The following PCDH15 variants were observed in gnomAD, a reference collection of about 807,000 sequenced individuals.
The protein encoded by PCDH15 is protocadherin related 15.
Under a neutral mutation model 178.5 loss-of-function variants are expected in PCDH15, and 129 were observed. The ratio of observed to expected loss-of-function variants is 0.72; its 90% CI spans 0.63 to 0.84. The LOEUF (loss-of-function observed/expected upper bound fraction) is 0.84. Among genes scored for constraint, PCDH15 ranks in the 40% least tolerant of loss-of-function variants. The pLI is 0.00. For missense variants in PCDH15, 2,230 were observed against 2,099.9 expected (o/e 1.06, Z -1.21); for synonymous variants, 800 against 732.0 (o/e 1.09, Z -1.50).
chr10:55,269,691 C>T (rs558526413), intron 1 of PCDH15, among the ~76,000 whole-genome samples: 1 of 152,118 alleles, frequency 6.6e-6, no homozygotes, highest in South Asian at 2.1e-4. Context: ...AATATTGTTA[C>T]AATGGCCATA....
At chr10:55,273,271 C>G (rs901920621) in intron 1 of PCDH15, among the ~76,000 whole-genome samples, 1 of 152,048 alleles carries the variant, frequency 6.6e-6, no homozygotes, top group Non-Finnish European at 1.5e-5. Context: ...GATTTAAATT[C>G]TGGGTAATAT....
chr10:54,670,875 T>G (rs1443956560), intron 1 of PCDH15, among the ~76,000 whole-genome samples: 1 of 152,110 alleles, frequency 6.6e-6, no homozygotes, highest in Non-Finnish European at 1.5e-5. Context: ...ACATTTCATA[T>G]TTTTTTACCT....
chr10:55,392,971 T>A (rs968153662), intron 2 of PCDH15, among the ~76,000 whole-genome samples: 2 of 144,208 alleles, frequency 1.4e-5, no homozygotes, highest in African/African-American at 5.2e-5. Context: ...ATCTAAGAAC[T>A]AAAGTGTATG....
chr10:54,213,122 A>G (rs1220915689), intron 10 of PCDH15, among the ~76,000 whole-genome samples: 1 of 143,524 alleles, frequency 7.0e-6, no homozygotes, highest in East Asian at 6.2e-4. Flanking sequence ...GCATGCTTAA[A>G]TATGAGAGAG....
At position 54,377,245 on chromosome 10, in the gene PCDH15, T is replaced by G. The variant is rs528556756; in HGVS notation, c.318+1537A>C. ...AAAATTATCTTCATATATATGCTTCTTATTTTCTGATATGTTTACCATAAG... is the reference window on the plus strand; with the variant it reads ...AAAATTATCTTCATATATATGCTTCGTATTTTCTGATATGTTTACCATAAG... On this transcript the variant is annotated intron_variant, in intron 4 of 37. Transcript: ENST00000644397. 2.0e-5 allele frequency among the ~76,000 whole-genome samples: 3 copies of G among 152,248 alleles called. No homozygotes were observed. In the East Asian group the frequency reaches 5.8e-4, roughly 29 times the overall value.
At chr10:54,125,150 G>GTT (rs72058465) in intron 15 of PCDH15, among the ~76,000 whole-genome samples, 2 of 149,618 alleles carry the variant, frequency 1.3e-5, no homozygotes, top group African/African-American at 4.9e-5. Flanking sequence ...CAAATGTGTG[G>GTT]TTTTTTTTTT....
chr10:53,873,132 C>A (rs2079990803), intron 26 of PCDH15, among the ~76,000 whole-genome samples: 1 of 152,190 alleles, frequency 6.6e-6, no homozygotes, highest in East Asian at 1.9e-4. Flanking sequence ...AACTTCCATA[C>A]CTATTTTTCA....
chr10:54,716,203 T>C lies in PCDH15; in HGVS notation c.-28-51913A>G, dbSNP rs554127295. ...GGATCTTTCCTAAGGAGGAAGGTGA[T>C]ACCACTGTGCATTCCACAGATCAAC... On this transcript the variant is annotated intron_variant, in intron 1 of 37. Coordinates refer to ENST00000644397, the MANE Select transcript of PCDH15 (RefSeq NM_001384140.1). Among the ~76,000 whole-genome samples the C allele has an allele frequency of 6.6e-5, 10 of 152,232 alleles. No homozygotes were observed. In the South Asian group the frequency reaches 2.1e-3, roughly 32 times the overall value.
intron 26 of PCDH15, among the ~76,000 whole-genome samples, chr10:53,867,943 T>G (rs1459666040): frequency 6.6e-6 from 1 of 152,088 alleles, no homozygotes. Flanking sequence ...ATCCACATAT[T>G]AAAGTTTCCT....
At chr10:53,963,779 C>A (rs1367475313) in intron 21 of PCDH15, among the ~76,000 whole-genome samples, 1 of 152,088 alleles carries the variant, frequency 6.6e-6, no homozygotes, top group Non-Finnish European at 1.5e-5. Context: ...ATCATCACAT[C>A]CTGCCAATAC....
At chr10:54,500,675 CA>C (rs2080587932) in intron 3 of PCDH15, among the ~76,000 whole-genome samples, 1 of 151,870 alleles carries the variant, frequency 6.6e-6, no homozygotes, top group Non-Finnish European at 1.5e-5. Context: ...ACTGAAAATA[CA>C]AAAATTAGCT....
chr10:54,159,123 A>AG (rs2045459940), intron 13 of PCDH15, among the ~76,000 whole-genome samples: 1 of 151,464 alleles, frequency 6.6e-6, no homozygotes, highest in Non-Finnish European at 1.5e-5. Context: ...AAAAAAAAAA[A>AG]GTGAATTATG....
At chr10:55,161,961 T>C (rs1839079820) in intron 2 of PCDH15, among the ~76,000 whole-genome samples, 1 of 152,146 alleles carries the variant, frequency 6.6e-6, no homozygotes, top group African/African-American at 2.4e-5. Flanking sequence ...TTGTGGCCCA[T>C]GATAAAAGAA....
chr10:53,925,275 T>C (rs539589031), intron 25 of PCDH15, among the ~76,000 whole-genome samples: 8 of 150,674 alleles, frequency 5.3e-5, no homozygotes, highest in Non-Finnish European at 1.2e-4. Context: ...CTGGGTAGAA[T>C]GAACAACTCC....
chr10:54,941,955 T>C (rs1267859112), intron 2 of PCDH15, among the ~76,000 whole-genome samples: 3 of 152,070 alleles, frequency 2.0e-5, no homozygotes, highest in Non-Finnish European at 4.4e-5. Context: ...TGGTAAGCTA[T>C]CTGACACTCC....
Position 54,899,701 on chromosome 10 carries a change from T to C in PCDH15, c.-79-2201A>G, listed in dbSNP as rs1954610607. Among the ~76,000 whole-genome samples the C allele has an allele frequency of 2.0e-5, 3 of 152,210 alleles. No homozygotes were observed. In the East Asian group the frequency reaches 5.8e-4, roughly 29 times the overall value. Reference sequence around the variant, plus strand: ...TTAGTAGAGATGGGTTTCACCGTATTAGCTAGGATGGTCTCGAACTTCTGA... The same window carrying C: ...TTAGTAGAGATGGGTTTCACCGTATCAGCTAGGATGGTCTCGAACTTCTGA... On this transcript the variant is annotated intron_variant, in intron 2 of 5. Transcript: ENST00000458638.
At chr10:55,586,683 A>T (rs1842732899) in intron 2 of PCDH15, among the ~76,000 whole-genome samples, 1 of 152,184 alleles carries the variant, frequency 6.6e-6, no homozygotes, top group Non-Finnish European at 1.5e-5. Context: ...GCTAAGCTTA[A>T]GTTCTAACAA....
intron 2 of PCDH15, among the ~76,000 whole-genome samples, chr10:55,126,139 C>T (rs1276748605): frequency 6.6e-6 from 1 of 151,996 alleles, no homozygotes; most frequent in Non-Finnish European, 1.5e-5. Flanking sequence ...CTGGACTGAC[C>T]TTCATGCTGG....
intron 3 of PCDH15, among the ~76,000 whole-genome samples, chr10:54,396,112 G>A (rs189618018): frequency 1.0e-3 from 158 of 152,220 alleles, no homozygotes; most frequent in Non-Finnish European, 1.7e-3. Context: ...CCTCTAAACC[G>A]GGGAGGACAA....
Sources: allele counts gnomAD v4.1 joint callset (sites outside exome capture counted in the v4.1 genomes callset), GRCh38; gene constraint gnomAD v4.1.1; transcripts MANE v1.5; gene names NCBI Gene and HGNC (gene_info 2026-07-23, HGNC 2026-07-21).